Variants in ASAH2 observed in about 807,000 individuals in gnomAD.
ASAH2 encodes the protein neutral ceramidase.
In ASAH2, 58 loss-of-function variants were observed where a neutral mutation model predicts 82.9. The ratio of observed to expected loss-of-function variants is 0.70; its 90% CI spans 0.57 to 0.87. The LOEUF is 0.87. Ranked by LOEUF, ASAH2 falls within the 40% of genes least tolerant of loss-of-function variation. The pLI is 0.00. For synonymous variants in ASAH2, 276 were observed against 289.7 expected, an observed-to-expected ratio of 0.95 and a Z score of 0.48; for missense variants, 779 against 834.0, an observed-to-expected ratio of 0.93 and a Z score of 0.81.
At chr10:50,246,141 T>C (rs1846452288) in intron 2 of ASAH2, among the ~76,000 whole-genome samples, 1 of 152,112 alleles carries the variant, frequency 6.6e-6, no homozygotes. Flanking sequence ...CACATACAAA[T>C]ATCAAGGGAA....
intron 12 of ASAH2, among the ~76,000 whole-genome samples, chr10:50,210,607 G>A (rs930363978): frequency 6.6e-6 from 1 of 152,168 alleles, no homozygotes; most frequent in Non-Finnish European, 1.5e-5. Flanking sequence ...TTTGTATTAA[G>A]TGTCCAGAAT....
In ASAH2 at chr10:50,242,284, C is replaced by T. The variant is rs1005186982; in HGVS notation, c.510+918G>A. On this transcript the variant is annotated intron_variant, in intron 4 of 20. Transcript: ENST00000682911. ...TCCCACATGTGATGAGGGAGGCTTC[C>T]GCTCTCCTCCCCAAGAGGGAGCAAT... Among the ~76,000 whole-genome samples, 8 of 152,240 alleles carry T rather than the reference C, an allele frequency of 5.3e-5. No individual in the cohort carries two copies. The South Asian group carries it at 1.2e-3, about 24-fold the overall frequency.
chr10:50,236,092 G>A, intron 4 of ASAH2, 28 bp from the exon 5 acceptor site: 1 of 1,601,742 alleles, frequency 6.2e-7, no homozygotes, highest in Non-Finnish European at 8.6e-7. Context: ...ATTGAACTAA[G>A]AAGAGGGATA....
rs1186983814 is a variant in ASAH2, at chr10:50,202,761, T to C, written c.1761+68A>G. The C allele has an allele frequency of 3.7e-6, 4 of 1,082,950 alleles. No individual in the cohort carries two copies. In the African/African-American group the frequency reaches 4.6e-5, roughly 13 times the overall value. The allele number at this position is 1,082,950 out of a possible 1,614,324, so 67.1% of individuals were successfully genotyped here. A position where few individuals can be genotyped will look rare whatever the true frequency, so the allele number is the denominator to read the frequency against. On this transcript the variant is annotated intron_variant, in intron 16 of 20. Coordinates refer to ENST00000682911, the MANE Select transcript of ASAH2 (RefSeq NM_019893.4). ...TGACTGGGAAAGTTTACAAAGCAAG[T>C]CTGCATTTGACACAATAGTCTTTAC...
chr10:50,195,812 T>C (rs1265850444), intron 18 of ASAH2, among the ~76,000 whole-genome samples: 2 of 151,768 alleles, frequency 1.3e-5, no homozygotes, highest in Non-Finnish European at 1.5e-5. Context: ...AAATACCACA[T>C]GATCTCACTT....
At chr10:50,229,620 C>T (rs1845976804) in intron 7 of ASAH2, among the ~76,000 whole-genome samples, 1 of 152,114 alleles carries the variant, frequency 6.6e-6, no homozygotes, top group Admixed American at 6.6e-5. Context: ...CTTTGTCATG[C>T]CATCTAATCT....
At chr10:50,204,779 T>C in intron 14 of ASAH2, 82 bp downstream of exon 14, 2 of 1,094,616 alleles carry the variant, frequency 1.8e-6, no homozygotes. Flanking sequence ...CAACACAGAA[T>C]GATCTTTTCA....
At chr10:50,241,162 C>A (rs1846283292) in intron 4 of ASAH2, among the ~76,000 whole-genome samples, 1 of 152,170 alleles carries the variant, frequency 6.6e-6, no homozygotes, top group Non-Finnish European at 1.5e-5. Flanking sequence ...GTCAAGCTTT[C>A]AGATGACTCA....
At chr10:50,223,559 C>T (rs528199871) in intron 7 of ASAH2, among the ~76,000 whole-genome samples, 357 of 152,194 alleles carry the variant, frequency 2.3e-3, no homozygotes, top group African/African-American at 7.0e-3. Context: ...TTCAAAGGTA[C>T]GTTCATGAAG....
At chr10:50,201,830 C>T (rs1845156587) in intron 16 of ASAH2, among the ~76,000 whole-genome samples, 1 of 152,088 alleles carries the variant, frequency 6.6e-6, no homozygotes, top group South Asian at 2.1e-4. Flanking sequence ...TATTGAATAA[C>T]AAGATATATC....
At chr10:50,217,939 A>G (rs1589337443) in intron 8 of ASAH2, among the ~76,000 whole-genome samples, 2 of 152,144 alleles carry the variant, frequency 1.3e-5, no homozygotes, top group South Asian at 4.1e-4. Flanking sequence ...AGCCTGACCA[A>G]CATGGCGAAA....
At chr10:50,215,136 T>C (rs1463721115) in intron 8 of ASAH2, among the ~76,000 whole-genome samples, 12 of 152,292 alleles carry the variant, frequency 7.9e-5, no homozygotes, top group Non-Finnish European at 1.6e-4. Context: ...CATGAAGTCT[T>C]TACCAATCCC....
intron 16 of ASAH2, among the ~76,000 whole-genome samples, chr10:50,201,419 G>A (rs1589324005): frequency 1.3e-5 from 2 of 152,096 alleles, no homozygotes; most frequent in Non-Finnish European, 2.9e-5. Context: ...TACTGCTGCA[G>A]GGACCACATG....
intron 7 of ASAH2, among the ~76,000 whole-genome samples, chr10:50,231,337 C>T (rs1846017820): frequency 6.6e-6 from 1 of 152,086 alleles, no homozygotes; most frequent in South Asian, 2.1e-4. Flanking sequence ...TTTTTCATGA[C>T]TCCGTGAGAA....
intron 3 of ASAH2, among the ~76,000 whole-genome samples, chr10:50,244,126 C>T (rs1437686055): frequency 2.0e-5 from 3 of 152,184 alleles, no homozygotes; most frequent in Non-Finnish European, 2.9e-5. Context: ...TATAGGGTCA[C>T]GCTGGAGCGG....
intron 15 of ASAH2, among the ~76,000 whole-genome samples, chr10:50,203,257 T>C (rs1845204502): frequency 6.6e-6 from 1 of 151,948 alleles, no homozygotes; most frequent in Non-Finnish European, 1.5e-5. Flanking sequence ...TTTAGAACCA[T>C]TTACAATACT....
intron 10 of ASAH2, among the ~76,000 whole-genome samples, chr10:50,212,204 C>CAT (rs1261961778): frequency 6.6e-6 from 1 of 151,906 alleles, no homozygotes; most frequent in Non-Finnish European, 1.5e-5. Flanking sequence ...CACACACACA[C>CAT]ACACACACGC....
At chr10:50,202,749 T>G in intron 16 of ASAH2, 80 bp downstream of exon 16, 1 of 1,022,566 alleles carries the variant, frequency 9.8e-7, no homozygotes, top group Non-Finnish European at 1.6e-6. Flanking sequence ...CTGGGAAAGT[T>G]TACAAAGCAA....
chr10:50,201,902 C>G (rs1374441772), intron 16 of ASAH2, among the ~76,000 whole-genome samples: 1 of 152,144 alleles, frequency 6.6e-6, no homozygotes, highest in Admixed American at 6.6e-5. Flanking sequence ...ATTTCTAGAC[C>G]TGCAATCACT....
Sources: gnomAD v4.1 joint callset for allele counts (sites outside exome capture counted in the v4.1 genomes callset) on GRCh38, gnomAD v4.1.1 for gene constraint, MANE v1.5 for transcripts, NCBI Gene and HGNC (gene_info 2026-07-23, HGNC 2026-07-21) for gene names.